IQCM: variants seen among roughly 807,000 people sequenced by gnomAD.
IQCM encodes the protein IQ motif containing M, also known as IQ domain-containing protein M.
IQCM carries 45 observed loss-of-function variants against 57.6 expected under a neutral mutation model. The ratio of observed to expected loss-of-function variants is 0.78; its 90% CI spans 0.62 to 1.00. The LOEUF (loss-of-function observed/expected upper bound fraction) is 1.00, where lower values mean the gene tolerates loss of function less well. Ranked by LOEUF, IQCM falls within the 50% of genes least tolerant of loss-of-function variation. IQCM has a pLI of 0.00. For synonymous variants in IQCM, 148 were observed against 158.9 expected (o/e 0.93, Z 0.51); for missense variants, 468 against 511.6 (o/e 0.91, Z 0.82).
chr4:149,393,745 T>C (rs1732028314), intron 13 of IQCM, among the ~76,000 whole-genome samples: 1 of 151,866 alleles, frequency 6.6e-6, no homozygotes, highest in Non-Finnish European at 1.5e-5. Context: ...ATGTCCAGCT[T>C]AAGTATCATT....
At chr4:149,637,464 A>G (rs1287826623) in intron 7 of IQCM, among the ~76,000 whole-genome samples, 1 of 152,222 alleles carries the variant, frequency 6.6e-6, no homozygotes. Context: ...CCTTCAATTC[A>G]TATATAGATT....
At chr4:149,614,238 C>T (rs1755578808) in intron 8 of IQCM, among the ~76,000 whole-genome samples, 1 of 152,060 alleles carries the variant, frequency 6.6e-6, no homozygotes. Context: ...ATTCTATTTG[C>T]TCGTAATCCT....
chr4:149,805,843 A>G (rs1774031323), intron 2 of IQCM, among the ~76,000 whole-genome samples: 1 of 152,028 alleles, frequency 6.6e-6, no homozygotes. Context: ...TAGTCTGTCA[A>G]AATTAAACAT....
chr4:149,603,674 C>T (rs1390403326), intron 8 of IQCM, among the ~76,000 whole-genome samples: 1 of 151,582 alleles, frequency 6.6e-6, no homozygotes, highest in Non-Finnish European at 1.5e-5. Flanking sequence ...AAGAAAACTC[C>T]CTGACAAAAT....
At chr4:149,405,689 A>G (rs764400214) in intron 13 of IQCM, among the ~76,000 whole-genome samples, 1 of 151,796 alleles carries the variant, frequency 6.6e-6, no homozygotes. Context: ...AATAGCTCTG[A>G]ATAGCTTCTG....
chr4:149,645,167 T>C (rs1758530078), intron 7 of IQCM, among the ~76,000 whole-genome samples: 2 of 152,226 alleles, frequency 1.3e-5, no homozygotes, highest in Admixed American at 1.3e-4. Context: ...TTTCCAGAAA[T>C]GTCTTATACA....
chr4:149,752,615 G>A (rs777672484), intron 2 of IQCM, among the ~76,000 whole-genome samples: 41 of 151,852 alleles, frequency 2.7e-4, no homozygotes, highest in Non-Finnish European at 5.0e-4. Context: ...TAATAGGGTA[G>A]GGATGTACTT....
intron 12 of IQCM, among the ~76,000 whole-genome samples, chr4:149,458,114 A>G (rs1469844389): frequency 6.6e-6 from 1 of 151,924 alleles, no homozygotes; most frequent in Non-Finnish European, 1.5e-5. Context: ...GATTTATAAA[A>G]CCCCTTCAGG....
At chr4:149,425,321 T>C (rs1426910955) in intron 13 of IQCM, among the ~76,000 whole-genome samples, 1 of 152,000 alleles carries the variant, frequency 6.6e-6, no homozygotes, top group African/African-American at 2.4e-5. Flanking sequence ...GCTCATGCCA[T>C]TGCAAAGACC....
chr4:149,459,946 T>C (rs1738098302), intron 12 of IQCM, among the ~76,000 whole-genome samples: 2 of 152,184 alleles, frequency 1.3e-5, no homozygotes, highest in African/African-American at 4.8e-5. Flanking sequence ...AGAAGTGGAA[T>C]TGCTGGATCA....
chr4:149,371,853 T>C (rs1730389995), intron 13 of IQCM, among the ~76,000 whole-genome samples: 1 of 152,142 alleles, frequency 6.6e-6, no homozygotes, highest in African/African-American at 2.4e-5. Context: ...ACGTGTAGCA[T>C]TTCTCTGCTT....
intron 8 of IQCM, among the ~76,000 whole-genome samples, chr4:149,596,529 A>C (rs755223832): frequency 2.0e-5 from 3 of 152,150 alleles, no homozygotes; most frequent in Non-Finnish European, 4.4e-5. Flanking sequence ...GTCAAATCTA[A>C]GAAAAGTACT....
chr4:149,366,721 G>A lies in IQCM; in HGVS notation c.1391-14655C>T, dbSNP rs538321399. Among the ~76,000 whole-genome samples the A allele has an allele frequency of 5.9e-5, 9 of 151,890 alleles. No homozygotes were observed. The South Asian group carries it at 1.9e-3, about 32-fold the overall frequency. ...ACAGAAGAAGCTACAAGAAGATTTAGGGGATGTGTTGATATCTACAACTTA... is the reference window on the plus strand; with the variant it reads ...ACAGAAGAAGCTACAAGAAGATTTAAGGGATGTGTTGATATCTACAACTTA... On this transcript the variant is annotated intron_variant, in intron 13 of 13. Coordinates refer to ENST00000636793, the MANE Select transcript of IQCM (RefSeq NM_001363507.2).
chr4:149,656,677 T>C (rs1194971772), intron 7 of IQCM, among the ~76,000 whole-genome samples: 1 of 152,108 alleles, frequency 6.6e-6, no homozygotes, highest in Admixed American at 6.6e-5. Context: ...AAAAACAACA[T>C]GGCCTTTGCT....
At chr4:149,354,180 C>T (rs1037801226) in intron 13 of IQCM, among the ~76,000 whole-genome samples, 13 of 149,950 alleles carry the variant, frequency 8.7e-5, no homozygotes, top group Admixed American at 3.3e-4. Flanking sequence ...CCGGCTAAAA[C>T]GGTGAAACCC....
chr4:149,667,202 C>A (rs1561129411), intron 7 of IQCM, among the ~76,000 whole-genome samples: 2 of 152,142 alleles, frequency 1.3e-5, no homozygotes, highest in Admixed American at 1.3e-4. Flanking sequence ...CTGGCATGTG[C>A]CCCTCTGGGA....
At chr4:149,381,614 T>G (rs184111520) in intron 13 of IQCM, among the ~76,000 whole-genome samples, 31 of 152,284 alleles carry the variant, frequency 2.0e-4, no homozygotes, top group African/African-American at 6.7e-4. Flanking sequence ...TTCAGGTCTT[T>G]GCTCAAATGT....
intron 12 of IQCM, among the ~76,000 whole-genome samples, chr4:149,495,130 C>T (rs929983238): frequency 4.6e-5 from 7 of 151,960 alleles, no homozygotes; most frequent in Non-Finnish European, 1.0e-4. Flanking sequence ...ACAGGGGATA[C>T]AGAGAAAGAA....
intron 7 of IQCM, among the ~76,000 whole-genome samples, chr4:149,623,976 C>T (rs1025747941): frequency 2.0e-5 from 3 of 152,130 alleles, no homozygotes; most frequent in African/African-American, 7.2e-5. Context: ...TAAATAACTA[C>T]TCATACTGAT....
Sources: gnomAD v4.1 joint callset for allele counts (sites outside exome capture counted in the v4.1 genomes callset) on GRCh38, gnomAD v4.1.1 for gene constraint, MANE v1.5 for transcripts, NCBI Gene and HGNC (gene_info 2026-07-23, HGNC 2026-07-21) for gene names.